CD55: variants seen among roughly 807,000 people sequenced by gnomAD.
CD55 encodes CD55 molecule (Cromer blood group).
A neutral mutation model predicts 45.8 loss-of-function variants in CD55; 41 were observed. The ratio of observed to expected loss-of-function variants is 0.90; its 90% CI spans 0.70 to 1.16. The LOEUF is 1.16. CD55 is among the 50% of genes most tolerant of loss of function. The pLI, the probability that CD55 is intolerant of heterozygous loss-of-function variation, is 0.00. For synonymous variants in CD55, 181 were observed against 181.1 expected, an observed-to-expected ratio of 1.00 and a Z score of 0.01; for missense variants, 416 against 469.8, an observed-to-expected ratio of 0.89 and a Z score of 1.06.
chr1:207,327,733 C>T (rs778875000), intron 5 of CD55, among the ~76,000 whole-genome samples: 18 of 152,056 alleles, frequency 1.2e-4, no homozygotes, highest in South Asian at 4.1e-4. Flanking sequence ...AAGCATTTAT[C>T]GATTGACACT....
chr1:207,336,216 A>G (rs890617646), intron 6 of CD55, among the ~76,000 whole-genome samples: 1 of 152,202 alleles, frequency 6.6e-6, no homozygotes, highest in African/African-American at 2.4e-5. Flanking sequence ...ATTTTTACTC[A>G]GACTCGAGTA....
Position 207,359,619 on chromosome 1 carries a change from G to A in CD55, c.*9G>A. On this transcript the variant is annotated 3_prime_UTR_variant, in exon 10 of 10. Coordinates refer to ENST00000367064, the MANE Select transcript of CD55 (RefSeq NM_000574.5). ...TGGGCTTGCTGACTTAGCCAAAGAA[G>A]AGTTAAGAAGAAAATACACACAAGT... is the stretch of plus-strand genomic sequence containing the variant. 6.3e-7 allele frequency: 1 copy of A among 1,582,042 alleles called. No individual in the cohort carries two copies. Among genetic ancestry groups the A allele is most frequent in the Non-Finnish European group, 8.6e-7 (1 of 1,168,530 alleles).
chr1:207,326,048 C>A lies in CD55; in HGVS notation c.578+327C>A, dbSNP rs1019181321. Among the ~76,000 whole-genome samples the A allele has an allele frequency of 4.6e-5, 7 of 152,146 alleles. 1 individual carries two copies. Among genetic ancestry groups the A allele is most frequent in the African/African-American group, 1.7e-4 (7 of 41,444 alleles). On this transcript the variant is annotated intron_variant, in intron 4 of 9. Coordinates refer to ENST00000367064, the MANE Select transcript of CD55 (RefSeq NM_000574.5). ...TTCAAATGTTAAATACTAAACCAATCTTTAGTTGACCTAAATAATGAATTT... is the reference window on the plus strand; with the variant it reads ...TTCAAATGTTAAATACTAAACCAATATTTAGTTGACCTAAATAATGAATTT...
intron 9 of CD55, chr1:207,354,395 A>AC (rs1656001979): frequency 3.9e-6 from 1 of 257,936 alleles, no homozygotes; most frequent in African/African-American, 2.3e-5. Context: ...CTGTGTTAAT[A>AC]ATGAGAGGTG....
chr1:207,322,152 CAA>C (rs1654441052), intron 1 of CD55: 1 of 678,060 alleles, frequency 1.5e-6, no homozygotes, highest in Admixed American at 2.2e-5. Context: ...AGGGAGGGCT[CAA>C]AGAGACTGTA....
chr1:207,324,641 T>G lies in CD55; in HGVS notation c.369T>G (p.Thr123=). The part of the protein sequence containing the change: ...YITQNYFPVG[T]VVEYECRPGY... ...CTCAGAATTATTTTCCAGTCGGTACTGTTGTGGAATATGAGTGCCGTCCAG... is the reference window on the plus strand; with the variant it reads ...CTCAGAATTATTTTCCAGTCGGTACGGTTGTGGAATATGAGTGCCGTCCAG... The change falls in exon 3 of 10, where the codon ACT becomes ACG. Residue 123 remains threonine, a synonymous_variant. Transcript: ENST00000367064. 6.2e-7 allele frequency: 1 copy of G among 1,612,776 alleles called. No individual in the cohort carries two copies. Among genetic ancestry groups the G allele is most frequent in the Non-Finnish European group, 8.5e-7 (1 of 1,179,224 alleles).
chr1:207,324,510 CA>C (rs1558142128), intron 2 of CD55, 48 bp from the exon 3 acceptor site: 1 of 1,350,716 alleles, frequency 7.4e-7, no homozygotes, highest in South Asian at 1.6e-5. Context: ...GATTATAAAA[CA>C]AAAATTGATA....
chr1:207,337,483 T>A (rs1345925546), intron 8 of CD55, 74 bp downstream of exon 8: 1 of 833,774 alleles, frequency 1.2e-6, no homozygotes, highest in Admixed American at 1.9e-5. Context: ...TTGACCAAGA[T>A]TGCAGGATTA....
chr1:207,322,499 C>A lies in CD55; in HGVS notation c.218C>A (p.Pro73His), dbSNP rs1654464748. The A allele has an allele frequency of 1.9e-6, 3 of 1,614,122 alleles. No homozygotes were observed. In the South Asian group the frequency reaches 3.3e-5, roughly 18 times the overall value. ...TGTGAAGAAAGCTTTGTGAAAATTC[C>A]TGGCGAGAAGGACTCAGTGATCTGC... is the stretch of plus-strand genomic sequence containing the variant. Reference protein sequence around the residue: ...YKCEESFVKIPGEKDSVICLK... With the variant: ...YKCEESFVKIHGEKDSVICLK... Residue 73 changes from proline (P) to histidine (H), a missense_variant, in exon 2 of 10, where the codon CCT becomes CAT. Transcript: ENST00000367064.
At chr1:207,352,554 T>A (rs915446755) in intron 9 of CD55, among the ~76,000 whole-genome samples, 4 of 152,160 alleles carry the variant, frequency 2.6e-5, no homozygotes, top group Non-Finnish European at 5.9e-5. Flanking sequence ...TTTTTTCACT[T>A]AGTAATTATT....
rs960740198 is a variant in CD55 at position 207,360,167 on chromosome 1, G to C, written c.*557G>C. ...ATGCTGGTGAACCAGGGGTGTTGAT[G>C]GTGATAAGGGAGGAATATAGAATGA... is the stretch of plus-strand genomic sequence containing the variant. On this transcript the variant is annotated 3_prime_UTR_variant, in exon 10 of 10. Coordinates refer to ENST00000367064, the MANE Select transcript of CD55 (RefSeq NM_000574.5). 1.3e-5 allele frequency: 2 copies of C among 152,088 alleles called. No homozygotes were observed. Among genetic ancestry groups the C allele is most frequent in the African/African-American group, 2.4e-5 (1 of 41,418 alleles). 9.4% of individuals were successfully genotyped at this position (152,088 alleles called of 1,614,324 possible).
intron 5 of CD55, among the ~76,000 whole-genome samples, chr1:207,328,833 G>A (rs1471043098): frequency 1.3e-5 from 2 of 152,082 alleles, no homozygotes; most frequent in Non-Finnish European, 2.9e-5. Flanking sequence ...TTCCTCCTGT[G>A]GACTATTGCA....
At chr1:207,328,307 C>T (rs1654778069) in intron 5 of CD55, among the ~76,000 whole-genome samples, 1 of 152,210 alleles carries the variant, frequency 6.6e-6, no homozygotes, top group Non-Finnish European at 1.5e-5. Flanking sequence ...CCAGTGCCTT[C>T]AAATATCCCT....
intron 6 of CD55, among the ~76,000 whole-genome samples, chr1:207,334,753 C>CGA (rs1553269290): frequency 7.3e-5 from 11 of 151,660 alleles, no homozygotes; most frequent in African/African-American, 1.2e-4. Context: ...CAAAAGAGAA[C>CGA]GAGAGAGAGA....
intron 9 of CD55, among the ~76,000 whole-genome samples, chr1:207,355,056 T>C (rs971466613): frequency 1.8e-4 from 27 of 152,248 alleles, no homozygotes; most frequent in African/African-American, 5.8e-4. Context: ...TCATGGATAG[T>C]CTCTCTAAGT....
chr1:207,357,427 C>G (rs1656118172), intron 9 of CD55, among the ~76,000 whole-genome samples: 2 of 152,048 alleles, frequency 1.3e-5, no homozygotes, highest in Admixed American at 1.3e-4. Flanking sequence ...TACGTACTTT[C>G]TTGTACTTGT....
chr1:207,341,398 G>A (rs1655419433), intron 9 of CD55, among the ~76,000 whole-genome samples: 2 of 151,978 alleles, frequency 1.3e-5, no homozygotes, highest in South Asian at 2.1e-4. Context: ...TTATAGTTGT[G>A]GATCTTATGT....
At position 207,359,721 on chromosome 1, in the gene CD55, T is replaced by C. The variant is rs956898696; in HGVS notation, c.*111T>C. On this transcript the variant is annotated 3_prime_UTR_variant, in exon 10 of 10. Coordinates refer to ENST00000367064, the MANE Select transcript of CD55 (RefSeq NM_000574.5). Reference sequence around the variant, plus strand: ...ATGCAATTGTGCTCTTCATTTAGGATGCTTTCATTGTCTTTAAGATGTGTT... The same window carrying C: ...ATGCAATTGTGCTCTTCATTTAGGACGCTTTCATTGTCTTTAAGATGTGTT... The C allele has an allele frequency of 7.2e-7, 1 of 1,388,332 alleles. No homozygotes were observed. The highest frequency in any genetic ancestry group is 9.5e-7 in the Non-Finnish European group (1 of 1,052,498). The allele number at this position is 1,388,332 out of a possible 1,614,324, so 86.0% of individuals were successfully genotyped here.
At chr1:207,329,912 G>C (rs1654865252) in intron 5 of CD55, among the ~76,000 whole-genome samples, 1 of 152,058 alleles carries the variant, frequency 6.6e-6, no homozygotes, top group Admixed American at 6.5e-5. Context: ...ATGCCCCGCT[G>C]CCCCTTCTTT....
Sources: gnomAD v4.1 joint callset for allele counts (sites outside exome capture counted in the v4.1 genomes callset) on GRCh38, gnomAD v4.1.1 for gene constraint, MANE v1.5 for transcripts, NCBI Gene and HGNC (gene_info 2026-07-23, HGNC 2026-07-21) for gene names.